The following TUSC3 variants were observed in gnomAD, a reference collection of about 807,000 sequenced individuals.
TUSC3 encodes the protein tumor suppressor candidate 3.
A neutral mutation model predicts 44.8 loss-of-function variants in TUSC3; 45 were observed. That is an observed-to-expected ratio of 1.00 (90% CI 0.79 to 1.29). TUSC3 has a LOEUF of 1.29. Ranked by LOEUF, TUSC3 falls within the 50% of genes most tolerant of loss-of-function variation. The probability of loss-of-function intolerance (pLI) is 0.00; values close to 1 mark genes in which losing one functional copy is unlikely to be tolerated. For missense variants in TUSC3, 519 were observed against 437.9 expected, an observed-to-expected ratio of 1.19 and a Z score of -1.65; for synonymous variants, 212 against 152.9, an observed-to-expected ratio of 1.39 and a Z score of -2.85.
intron 6 of TUSC3, among the ~76,000 whole-genome samples, chr8:15,709,571 C>T (rs1223284940): frequency 6.6e-6 from 1 of 151,784 alleles, no homozygotes; most frequent in African/African-American, 2.4e-5. Flanking sequence ...TACTCCATAT[C>T]TAAGAGCACG....
chr8:15,749,573 T>G (rs1811601890), intron 9 of TUSC3, among the ~76,000 whole-genome samples: 1 of 151,938 alleles, frequency 6.6e-6, no homozygotes, highest in Non-Finnish European at 1.5e-5. Flanking sequence ...GTGTAAATTT[T>G]TAAAAATATC....
At chr8:15,489,971 G>T (rs1024069358) in intron 2 of TUSC3, among the ~76,000 whole-genome samples, 2 of 152,148 alleles carry the variant, frequency 1.3e-5, no homozygotes, top group Admixed American at 1.3e-4. Context: ...TTCTGTTGGT[G>T]CTGAAATAGT....
intron 7 of TUSC3, among the ~76,000 whole-genome samples, chr8:15,739,957 A>C (rs1219694722): frequency 1.3e-5 from 2 of 152,188 alleles, no homozygotes; most frequent in African/African-American, 4.8e-5. Context: ...TCAGAGAGTT[A>C]TTGGTACTGG....
Position 15,543,846 on chromosome 8 carries a change from G to A in TUSC3, c.138+3278G>A, listed in dbSNP as rs950559759. Among the ~76,000 whole-genome samples, 14 of 149,706 alleles carry A rather than the reference G, an allele frequency of 9.4e-5. No homozygotes were observed. The East Asian group carries it at 2.4e-3, about 25-fold the overall frequency. On this transcript the variant is annotated intron_variant, in intron 1 of 10. Coordinates refer to ENST00000503731, the MANE Select transcript of TUSC3 (RefSeq NM_006765.4). Reference sequence around the variant, plus strand: ...CACCGAGAATTCCAAATTCTCTTACGTTGTTTGAAAATTTCCCAGGAAGAG... The same window carrying A: ...CACCGAGAATTCCAAATTCTCTTACATTGTTTGAAAATTTCCCAGGAAGAG...
At chr8:15,499,072 A>G (rs533954455) in intron 2 of TUSC3, among the ~76,000 whole-genome samples, 31 of 151,230 alleles carry the variant, frequency 2.0e-4, no homozygotes, top group Non-Finnish European at 4.4e-5. Context: ...ACTTGCCCCA[A>G]CTCTTGCCAT....
intron 2 of TUSC3, among the ~76,000 whole-genome samples, chr8:15,514,856 A>C (rs1801194239): frequency 6.6e-6 from 1 of 152,192 alleles, no homozygotes; most frequent in African/African-American, 2.4e-5. Flanking sequence ...CAACTCTCTC[A>C]GCCTCAGATT....
intron 2 of TUSC3, among the ~76,000 whole-genome samples, chr8:15,528,314 A>T (rs13254596): frequency 6.6e-6 from 1 of 152,032 alleles, no homozygotes; most frequent in Non-Finnish European, 1.5e-5. Flanking sequence ...TGATGAGTTC[A>T]GGAAATGAAT....
At position 15,711,463 on chromosome 8, in the gene TUSC3, C is replaced by CAT. The variant is rs1554479702; in HGVS notation, c.799-19203_799-19202insAT. Among the ~76,000 whole-genome samples the CAT allele has an allele frequency of 5.2e-3, 759 of 144,978 alleles. 6 individuals carry two copies. The highest frequency in any genetic ancestry group is 8.7e-3 in the Non-Finnish European group (572 of 65,814). On this transcript the variant is annotated intron_variant, in intron 6 of 10. Transcript: ENST00000503731. Reference sequence around the variant, plus strand: ...CAGGTTTTAGAAAAACAAAAAGGTACGTGTGTGTGTGTGTGTGTGTGTGTG... The same window carrying CAT: ...CAGGTTTTAGAAAAACAAAAAGGTACATGTGTGTGTGTGTGTGTGTGTGTGTG...
the TUSC3 span, among the ~76,000 whole-genome samples, chr8:15,790,080 T>C: frequency 6.6e-6 from 1 of 152,034 alleles, no homozygotes; most frequent in Non-Finnish European, 1.5e-5. Context: ...TATTTGCAAG[T>C]TAAGGGACAG....
downstream of TUSC3, among the ~76,000 whole-genome samples, chr8:15,770,325 G>A (rs7464101): frequency 0.2 from 29,719 of 152,022 alleles, 3,367 homozygotes; most frequent in Admixed American, 0.35. Flanking sequence ...ACCAAACACC[G>A]CGTGTTCTCA....
chr8:15,529,992 A>G (rs1184473220), intron 2 of TUSC3, among the ~76,000 whole-genome samples: 1 of 118,980 alleles, frequency 8.4e-6, no homozygotes, highest in African/African-American at 3.7e-5. Flanking sequence ...TCACCTTGTT[A>G]GCCAGGATGG....
rs183858981 is a variant in TUSC3, at chr8:15,729,695, C to T, written c.799-971C>T. Among the ~76,000 whole-genome samples the T allele has an allele frequency of 1.8e-4, 28 of 152,070 alleles. No homozygotes were observed. In the East Asian group the frequency reaches 2.7e-3, roughly 15 times the overall value. On this transcript the variant is annotated intron_variant, in intron 6 of 10. Transcript: ENST00000503731. ...TGGACAGAGAGGGGAACAGTAGACC[C>T]TGGGGCTTACTTGAGGTTGGAGGGT... is the stretch of plus-strand genomic sequence containing the variant.
intron 1 of TUSC3, among the ~76,000 whole-genome samples, chr8:15,445,252 T>G (rs1007755522): frequency 6.6e-6 from 1 of 152,090 alleles, no homozygotes; most frequent in Admixed American, 6.5e-5. Flanking sequence ...AGGAGAAAAC[T>G]ATCATCTCTT....
intron 6 of TUSC3, among the ~76,000 whole-genome samples, chr8:15,696,478 AG>A (rs1809171138): frequency 6.6e-6 from 1 of 152,168 alleles, no homozygotes; most frequent in African/African-American, 2.4e-5. Context: ...GCACTGTGGA[AG>A]GGAAATGTGG....
At chr8:15,741,998 G>A (rs533611682) in intron 7 of TUSC3, among the ~76,000 whole-genome samples, 49 of 152,116 alleles carry the variant, frequency 3.2e-4, no homozygotes, top group Admixed American at 2.4e-3. Flanking sequence ...CTGTGGATTC[G>A]GGGTAATGTA....
chr8:15,583,046 C>T (rs1049766637), intron 1 of TUSC3, among the ~76,000 whole-genome samples: 13 of 152,116 alleles, frequency 8.5e-5, no homozygotes, highest in Admixed American at 7.9e-4. Context: ...GCTAGGTGAC[C>T]ATGAAGTTGA....
At chr8:15,459,901 T>C (rs1042435657) in intron 1 of TUSC3, among the ~76,000 whole-genome samples, 27 of 151,216 alleles carry the variant, frequency 1.8e-4, no homozygotes, top group Admixed American at 4.0e-4. Context: ...CATACATACA[T>C]ACACACATAC....
intron 2 of TUSC3, among the ~76,000 whole-genome samples, chr8:15,627,649 C>T (rs1362409531): frequency 2.0e-5 from 3 of 152,208 alleles, no homozygotes; most frequent in Non-Finnish European, 4.4e-5. Context: ...TCTGGTGTCT[C>T]CAAGCTTCCG....
chr8:15,555,078 A>G (rs1213441663), intron 1 of TUSC3, among the ~76,000 whole-genome samples: 1 of 150,088 alleles, frequency 6.7e-6, no homozygotes, highest in African/African-American at 2.4e-5. Flanking sequence ...TGTTATTTTG[A>G]AAAATTTACA....
Sources: allele counts gnomAD v4.1 joint callset (sites outside exome capture counted in the v4.1 genomes callset), GRCh38; gene constraint gnomAD v4.1.1; transcripts MANE v1.5; gene names NCBI Gene and HGNC (gene_info 2026-07-23, HGNC 2026-07-21).